Variants in TNRC6B observed in about 807,000 individuals in gnomAD.
The protein encoded by TNRC6B is trinucleotide repeat-containing gene 6B protein.
In TNRC6B, 52 loss-of-function variants were observed where a neutral mutation model predicts 203.6. That is an observed-to-expected ratio of 0.26 (90% CI 0.20 to 0.32). The LOEUF is 0.32. Ranked by LOEUF, TNRC6B falls within the 10% of genes least tolerant of loss-of-function variation. The pLI is 1.00. For synonymous variants in TNRC6B, 838 were observed against 845.7 expected, an observed-to-expected ratio of 0.99 and a Z score of 0.16; for missense variants, 1,923 against 2,286.2, an observed-to-expected ratio of 0.84 and a Z score of 3.24.
chr22:40,313,169 C>G (rs1412713193), intron 19 of TNRC6B, among the ~76,000 whole-genome samples, 172 bp downstream of exon 19: 1 of 152,208 alleles, frequency 6.6e-6, no homozygotes, highest in Non-Finnish European at 1.5e-5. Flanking sequence ...TGAGGAACTT[C>G]TAGTCTCAGG....
At position 40,273,554 on chromosome 22, in the gene TNRC6B, C is replaced by T. The variant is rs770191777; in HGVS notation, c.3095C>T (p.Ser1032Phe). ...ACTGGCTCTCAGGGCAGTGCTTCCT[C>T]CCACAACTCAGCAAGCTGGGGACAA... ...NTTGSQGSAS[S>F]HNSASWGQGG... Residue 1032 changes from serine to phenylalanine, a missense_variant, in exon 7 of 23, where the codon TCC becomes TTC. Ser to Phe is a radical substitution (Grantham distance 155, BLOSUM62 -2). Coordinates refer to ENST00000454349, the MANE Select transcript of TNRC6B (RefSeq NM_001162501.2). The T allele has an allele frequency of 1.3e-6, 2 of 1,591,166 alleles. No individual in the cohort carries two copies. The highest frequency in any genetic ancestry group is 1.7e-6 in the Non-Finnish European group (2 of 1,168,568).
intron 4 of TNRC6B, among the ~76,000 whole-genome samples, chr22:40,157,741 C>A (rs1272965765): frequency 3.3e-5 from 5 of 152,186 alleles, no homozygotes; most frequent in Non-Finnish European, 7.3e-5. Context: ...TCCACCCCCA[C>A]ACTCTGGTCA....
Position 40,292,231 on chromosome 22 carries a change from T to C in TNRC6B, c.3708+6461T>C, listed in dbSNP as rs180875155. On this transcript the variant is annotated intron_variant, in intron 12 of 22. Coordinates refer to ENST00000454349, the MANE Select transcript of TNRC6B (RefSeq NM_001162501.2). ...AGGCATGGTGGCGCACACCCGTCTGTCGTCCCAACTGCTCAGGAGGCTGAG... is the reference window on the plus strand; with the variant it reads ...AGGCATGGTGGCGCACACCCGTCTGCCGTCCCAACTGCTCAGGAGGCTGAG... Among the ~76,000 whole-genome samples, 7 of 151,938 alleles carry C rather than the reference T, an allele frequency of 4.6e-5. No homozygotes were observed. In the East Asian group the frequency reaches 1.4e-3, roughly 29 times the overall value.
In TNRC6B at chr22:40,165,089, C is replaced by A. The variant is rs1459346475; in HGVS notation, c.113+8907C>A. Among the ~76,000 whole-genome samples the A allele has an allele frequency of 8.0e-5, 12 of 149,892 alleles. 1 individual carries two copies. The South Asian group carries it at 2.5e-3, about 32-fold the overall frequency. On this transcript the variant is annotated intron_variant, in intron 4 of 23. Coordinates refer to the TNRC6B transcript ENST00000301923. The stretch of plus-strand genomic sequence containing the variant: ...GAGCCACCGCACCCACCCCTCCCCC[C>A]GGCTCTTTTTTTTTTTTTTTTTGAG...
At chr22:40,297,109 T>G (rs910064743) in intron 12 of TNRC6B, among the ~76,000 whole-genome samples, 2 of 152,224 alleles carry the variant, frequency 1.3e-5, no homozygotes, top group Non-Finnish European at 2.9e-5. Flanking sequence ...ATTCCCTTCA[T>G]TGATTGGTAG....
chr22:40,096,848 A>G (rs1180181949), intron 1 of TNRC6B, among the ~76,000 whole-genome samples: 7 of 152,246 alleles, frequency 4.6e-5, no homozygotes, highest in African/African-American at 9.6e-5. Flanking sequence ...AAATTTATTA[A>G]TTTATTTGAA....
chr22:40,162,724 C>T (rs1443939136), intron 4 of TNRC6B, among the ~76,000 whole-genome samples: 1 of 152,140 alleles, frequency 6.6e-6, no homozygotes, highest in African/African-American at 2.4e-5. Flanking sequence ...AAGTTGAACT[C>T]TCTGTAAACT....
chr22:40,135,133 A>G (rs2068588492), intron 3 of TNRC6B, among the ~76,000 whole-genome samples: 1 of 152,214 alleles, frequency 6.6e-6, no homozygotes, highest in African/African-American at 2.4e-5. Context: ...TTCTCACAGC[A>G]TGGTGGCAGG....
At position 40,301,271 on chromosome 22, in the gene TNRC6B, A is replaced by G. The variant is rs762895947; in HGVS notation, c.4058A>G (p.Asn1353Ser). Residue 1353 changes from asparagine (N) to serine (S), a missense_variant, in exon 15 of 23, where the codon AAC (asparagine) becomes AGC (serine). Asn to Ser is a conservative substitution (Grantham distance 46, BLOSUM62 1). This residue lies in a region of TNRC6B where 242 missense variants were observed against 399.5 expected (regional missense o/e 0.61). Coordinates refer to ENST00000454349, the MANE Select transcript of TNRC6B (RefSeq NM_001162501.2). ...PKPHLDNMVP[N>S]ALNVGLPDLQ... ...CCGCATCTGGACAACATGGTACCCA[A>G]CGCATTGAATGTGGGGCTCCCAGAC... 1.1e-5 allele frequency: 17 copies of G among 1,592,350 alleles called. No individual in the cohort carries two copies. The African/African-American group carries it at 2.0e-4, about 19-fold the overall frequency.
chr22:40,227,073 CTAA>C (rs1417034540), intron 1 of TNRC6B, among the ~76,000 whole-genome samples: 1 of 110,066 alleles, frequency 9.1e-6, no homozygotes, highest in Admixed American at 9.8e-5. Flanking sequence ...CCACACCCAG[CTAA>C]TTATTATTAT....
chr22:40,211,978 G>A (rs2069570823), intron 1 of TNRC6B, among the ~76,000 whole-genome samples: 1 of 152,154 alleles, frequency 6.6e-6, no homozygotes, highest in South Asian at 2.1e-4. Flanking sequence ...TATTTCAAAT[G>A]TTCGCTTTTG....
chr22:40,147,794 A>G (rs567949725), intron 3 of TNRC6B, among the ~76,000 whole-genome samples: 41 of 152,328 alleles, frequency 2.7e-4, no homozygotes, highest in African/African-American at 7.5e-4. Flanking sequence ...TGTCACTCCA[A>G]TTATATATGA....
chr22:40,162,374 G>A (rs952982253), intron 4 of TNRC6B, among the ~76,000 whole-genome samples: 1 of 152,154 alleles, frequency 6.6e-6, no homozygotes, highest in African/African-American at 2.4e-5. Context: ...GATTACAGGC[G>A]TGAGCCACCG....
At chr22:40,091,716 G>A (rs138813551) in intron 1 of TNRC6B, among the ~76,000 whole-genome samples, 156 of 152,284 alleles carry the variant, frequency 1.0e-3, no homozygotes, top group African/African-American at 3.6e-3. Context: ...AGGGATACAG[G>A]TGAAAGAGTG....
intron 5 of TNRC6B, among the ~76,000 whole-genome samples, chr22:40,267,843 T>C (rs779354660): frequency 6.6e-6 from 1 of 151,670 alleles, no homozygotes; most frequent in Non-Finnish European, 1.5e-5. Context: ...GCACTCCAGT[T>C]TGGGAGACAG....
intron 1 of TNRC6B, among the ~76,000 whole-genome samples, chr22:40,237,723 G>A (rs1043629687): frequency 1.3e-5 from 2 of 152,212 alleles, no homozygotes; most frequent in South Asian, 2.1e-4. Context: ...TCTCCCAGAT[G>A]GCTTTCTTTA....
chr22:40,112,517 G>A (rs1246249926), intron 1 of TNRC6B, among the ~76,000 whole-genome samples: 4 of 152,198 alleles, frequency 2.6e-5, no homozygotes, highest in African/African-American at 4.8e-5. Flanking sequence ...TGGATACCAG[G>A]AACTAAAACA....
intron 1 of TNRC6B, among the ~76,000 whole-genome samples, chr22:40,181,260 T>G (rs1170263067): frequency 1.3e-5 from 2 of 152,166 alleles, no homozygotes; most frequent in Non-Finnish European, 2.9e-5. Context: ...AAGAGTGTTA[T>G]GCGATGATGA....
intron 1 of TNRC6B, among the ~76,000 whole-genome samples, chr22:40,210,383 G>A (rs2069545633): frequency 6.6e-6 from 1 of 152,124 alleles, no homozygotes; most frequent in Non-Finnish European, 1.5e-5. Context: ...GAGCAAGCCT[G>A]GTAATGTTAT....
Sources: gnomAD v4.1 joint callset for allele counts (sites outside exome capture counted in the v4.1 genomes callset) on GRCh38, gnomAD v4.1.1 for gene constraint, gnomAD v4.1.1 regional missense constraint, MANE v1.5 for transcripts, NCBI Gene and HGNC (gene_info 2026-07-23, HGNC 2026-07-21) for gene names.